Variants in NHSL2 observed in about 807,000 individuals in gnomAD.
NHSL2 encodes the protein NHS-like protein 2.
NHSL2 carries 27 observed loss-of-function variants against 53.4 expected under a neutral mutation model. The observed-to-expected ratio is 0.51, with a 90% CI of 0.37 to 0.70. NHSL2 has a LOEUF of 0.70. NHSL2 is among the 30% of genes least tolerant of loss of function. The pLI, the probability that NHSL2 is intolerant of heterozygous loss-of-function variation, is 0.00. For missense variants in NHSL2, 892 were observed against 980.1 expected, an observed-to-expected ratio of 0.91 and a Z score of 1.20; for synonymous variants, 408 against 404.1, an observed-to-expected ratio of 1.01 and a Z score of -0.12.
chrX:72,130,832 C>T (rs1261158181), intron 1 of NHSL2: 1 of 1,211,567 alleles, frequency 8.3e-7, no homozygotes. Flanking sequence ...GCCTTTTTAG[C>T]CACACGTGGG....
At chrX:71,958,956 C>T (rs2041855433) in intron 1 of NHSL2, among the ~76,000 whole-genome samples, 1 of 111,969 alleles carries the variant, frequency 8.9e-6, no homozygotes, top group Non-Finnish European at 1.9e-5. Context: ...TGCAAGTGAC[C>T]TCAGCTGTAC....
At position 71,998,968 on chromosome X, in the gene NHSL2, A is replaced by G. The variant is rs2042061422; in HGVS notation, c.280+87601A>G. ...TAATAGGTGCTTAATAAATGAAGGA[A>G]TAAATGAGTGACTGTTGTTCCTTCT... On this transcript the variant is annotated intron_variant, in intron 1 of 7. Coordinates refer to ENST00000633930, the MANE Select transcript of NHSL2 (RefSeq NM_001013627.3). 3.6e-5 allele frequency among the ~76,000 whole-genome samples: 4 copies of G among 112,534 alleles called. No individual in the cohort carries two copies. The Admixed American group carries it at 3.7e-4, about 11-fold the overall frequency.
chrX:72,014,287 T>C (rs1434130490), intron 1 of NHSL2, among the ~76,000 whole-genome samples: 1 of 112,194 alleles, frequency 8.9e-6, no homozygotes, highest in Non-Finnish European at 1.9e-5. Context: ...ATTCTGCTTA[T>C]TTATGCTGTT....
rs776741364 is a variant in NHSL2 at position 71,976,892 on chromosome X, A to G, written c.280+65525A>G. On this transcript the variant is annotated intron_variant, in intron 1 of 7. Transcript: ENST00000633930. ...ATTGTTTTTTCTCCATGAGAAACCAATCTGAAAGAGTGGTGTAACCATGTG... is the reference window on the plus strand; with the variant it reads ...ATTGTTTTTTCTCCATGAGAAACCAGTCTGAAAGAGTGGTGTAACCATGTG... Among the ~76,000 whole-genome samples, 185 of 112,652 alleles carry G rather than the reference A, an allele frequency of 1.6e-3. 1 individual carries two copies. Among genetic ancestry groups the G allele is most frequent in the African/African-American group, 5.5e-3 (170 of 31,079 alleles).
chrX:72,084,038 A>T (rs762489204), intron 1 of NHSL2, among the ~76,000 whole-genome samples: 1 of 112,129 alleles, frequency 8.9e-6, no homozygotes, highest in East Asian at 2.8e-4. Flanking sequence ...CTCAGTTTAA[A>T]TGGCACCTCC....
At chrX:72,066,415 A>G (rs1473683144) in intron 1 of NHSL2, among the ~76,000 whole-genome samples, 1 of 111,501 alleles carries the variant, frequency 9.0e-6, no homozygotes, top group Non-Finnish European at 1.9e-5. Flanking sequence ...GTCCAGAGGG[A>G]GTATGTGACT....
chrX:72,020,364 G>A (rs2042154370), intron 1 of NHSL2, among the ~76,000 whole-genome samples: 1 of 112,645 alleles, frequency 8.9e-6, no homozygotes, highest in African/African-American at 3.2e-5. Context: ...TGTCTCTGAT[G>A]GGAAGAGATG....
rs144429674 is a variant in NHSL2, at chrX:71,940,072, A to G, written c.280+28705A>G. On this transcript the variant is annotated intron_variant, in intron 1 of 7. Coordinates refer to ENST00000633930, the MANE Select transcript of NHSL2 (RefSeq NM_001013627.3). ...AAAGAAGGCCTAGGAGCAAGACCTGAGAACCCTCAACATTTGTGGACAGAG... is the reference window on the plus strand; with the variant it reads ...AAAGAAGGCCTAGGAGCAAGACCTGGGAACCCTCAACATTTGTGGACAGAG... Among the ~76,000 whole-genome samples the G allele has an allele frequency of 1.2e-4, 13 of 112,171 alleles. No homozygotes were observed. The East Asian group carries it at 3.6e-3, about 31-fold the overall frequency.
At chrX:71,950,496 G>A (rs1237048353) in intron 1 of NHSL2, among the ~76,000 whole-genome samples, 1 of 112,563 alleles carries the variant, frequency 8.9e-6, no homozygotes, top group Admixed American at 9.4e-5. Context: ...TGGGAGGAGA[G>A]CTGGACTTTT....
intron 1 of NHSL2, among the ~76,000 whole-genome samples, chrX:72,094,250 G>A (rs764451857): frequency 7.1e-5 from 8 of 111,982 alleles, no homozygotes; most frequent in Non-Finnish European, 1.1e-4. Context: ...TCTGAGACAG[G>A]TGAATGATGG....
Position 72,048,070 on chromosome X carries a change from G to GATGATA in NHSL2, c.281-84007_281-84006insGATAAT, listed in dbSNP as rs754551330. On this transcript the variant is annotated intron_variant, in intron 1 of 7. Coordinates refer to ENST00000633930, the MANE Select transcript of NHSL2 (RefSeq NM_001013627.3). ...TAACTGTGCCTTTCACACTCATGAT[G>GATGATA]ATAACAATAATAATAATAATAATAA... is the stretch of plus-strand genomic sequence containing the variant. Among the ~76,000 whole-genome samples, 374 of 101,782 alleles carry GATGATA rather than the reference G, an allele frequency of 3.7e-3. 2 individuals carry two copies. Among genetic ancestry groups the GATGATA allele is most frequent in the African/African-American group, 0.013 (358 of 27,143 alleles). The allele number at this position is 101,782 out of a possible 115,157, so 88.4% of individuals were successfully genotyped here.
intron 1 of NHSL2, among the ~76,000 whole-genome samples, chrX:71,953,415 T>C (rs1194365990): frequency 8.9e-6 from 1 of 112,083 alleles, no homozygotes; most frequent in Non-Finnish European, 1.9e-5. Flanking sequence ...GTAGTGGTTT[T>C]CCATTTACAT....
chrX:72,011,921 G>C (rs1160193052), intron 1 of NHSL2, among the ~76,000 whole-genome samples: 1 of 111,924 alleles, frequency 8.9e-6, no homozygotes, highest in Non-Finnish European at 1.9e-5. Context: ...ATCTTCTTCA[G>C]TGACTTGTCT....
chrX:71,978,318 G>A (rs2041957931), intron 1 of NHSL2, among the ~76,000 whole-genome samples: 1 of 111,919 alleles, frequency 8.9e-6, no homozygotes, highest in Non-Finnish European at 1.9e-5. Context: ...ATCTTGGACT[G>A]CCGTCATATC....
intron 4 of NHSL2, among the ~76,000 whole-genome samples, chrX:72,135,047 A>G (rs181266204): frequency 6.7e-4 from 75 of 112,333 alleles, no homozygotes; most frequent in African/African-American, 2.3e-3. Flanking sequence ...TCAGGGCAAG[A>G]CAACTTCTTG....
intron 1 of NHSL2, among the ~76,000 whole-genome samples, chrX:72,055,682 C>T (rs1359745945): frequency 9.0e-6 from 1 of 111,649 alleles, no homozygotes; most frequent in Non-Finnish European, 1.9e-5. Flanking sequence ...CAGGAAGTCC[C>T]CTCTTGATAA....
chrX:72,131,158 G>T, intron 1 of NHSL2: 1 of 1,183,577 alleles, frequency 8.4e-7, no homozygotes, highest in Non-Finnish European at 1.1e-6. Flanking sequence ...CAGCGCCGGC[G>T]GGGGCGGGAT....
chrX:72,065,185 C>T (rs1279385810), intron 1 of NHSL2, among the ~76,000 whole-genome samples: 1 of 111,811 alleles, frequency 8.9e-6, no homozygotes, highest in Non-Finnish European at 1.9e-5. Flanking sequence ...CAAAGGAGGG[C>T]TGGGAGGAAG....
At position 71,922,582 on chromosome X, in the gene NHSL2, C is replaced by T. The variant is rs184292889; in HGVS notation, c.280+11215C>T. ...GTCCCAGCTACTTGGGAGCCTGAGG[C>T]GGGAGGATCCCTTGAGCCCAAGAGT... On this transcript the variant is annotated intron_variant, in intron 1 of 7. Coordinates refer to ENST00000633930, the MANE Select transcript of NHSL2 (RefSeq NM_001013627.3). Among the ~76,000 whole-genome samples, 129 of 111,789 alleles carry T rather than the reference C, an allele frequency of 1.2e-3. 1 individual carries two copies. The highest frequency in any genetic ancestry group is 9.1e-3 in the Middle Eastern group (2 of 219).
Sources: allele counts gnomAD v4.1 joint callset (sites outside exome capture counted in the v4.1 genomes callset), GRCh38; gene constraint gnomAD v4.1.1; transcripts MANE v1.5; gene names NCBI Gene and HGNC (gene_info 2026-07-23, HGNC 2026-07-21).